Variants in RGS19 observed in about 807,000 individuals in gnomAD.
RGS19 encodes the protein regulator of G protein signaling 19, also known as G alpha interacting protein.
A neutral mutation model predicts 22.0 loss-of-function variants in RGS19; 9 were observed. That is an observed-to-expected ratio of 0.41 (90% CI 0.25 to 0.71). The LOEUF (loss-of-function observed/expected upper bound fraction) is 0.71. RGS19 is among the 30% of genes least tolerant of loss of function. The probability of loss-of-function intolerance (pLI) is 0.32; values close to 1 mark genes in which losing one functional copy is unlikely to be tolerated. For missense variants in RGS19, 256 were observed against 307.1 expected (o/e 0.83, Z 1.24); for synonymous variants, 130 against 127.3 (o/e 1.02, Z -0.14).
chr20:64,073,543 T>G lies in RGS19; in HGVS notation c.*310A>C, dbSNP rs372131706. On this transcript the variant is annotated 3_prime_UTR_variant, in exon 6 of 6. Coordinates refer to ENST00000395042, the MANE Select transcript of RGS19 (RefSeq NM_005873.3). ...AGGCTCATGGGTCCAGCATGGCTCC[T>G]GGGGGGACCCCTACTCTCACCACGC... The G allele has an allele frequency of 3.1e-6, 1 of 324,458 alleles. No homozygotes were observed. Among genetic ancestry groups the G allele is most frequent in the Non-Finnish European group, 5.7e-6 (1 of 174,916 alleles). The allele number at this position is 324,458 out of a possible 1,614,324, so 20.1% of individuals were successfully genotyped here.
At position 64,075,866 on chromosome 20, in the gene RGS19, T is replaced by C. The variant is rs1009139604; in HGVS notation, c.152+659A>G. 7.2e-6 allele frequency among the ~76,000 whole-genome samples: 1 copy of C among 138,630 alleles called. No homozygotes were observed. The highest frequency in any genetic ancestry group is 2.5e-5 in the African/African-American group (1 of 39,408). The allele number at this position is 138,630 out of a possible 152,430, so 90.9% of individuals were successfully genotyped here. Reference sequence around the variant, plus strand: ...CCACACACTGTATGGGGTCTGTGCCTGTCTTTCTTTCTTTCTTTCTTTTTT... The same window carrying C: ...CCACACACTGTATGGGGTCTGTGCCCGTCTTTCTTTCTTTCTTTCTTTTTT... On this transcript the variant is annotated intron_variant, in intron 3 of 5. Transcript: ENST00000395042. The surrounding 1 kb of genome is among the most constrained non-coding windows in gnomAD (Gnocchi z 4.6).
At position 64,076,910 on chromosome 20, in the gene RGS19, G is replaced by T; in HGVS notation, c.-24C>A. 6.6e-7 allele frequency: 1 copy of T among 1,511,278 alleles called. No individual in the cohort carries two copies. Among genetic ancestry groups the T allele is most frequent in the Non-Finnish European group, 8.8e-7 (1 of 1,134,720 alleles). The allele number at this position is 1,511,278 out of a possible 1,614,324, so 93.6% of individuals were successfully genotyped here. A position where few individuals can be genotyped will look rare whatever the true frequency, so the allele number is the denominator to read the frequency against. ...ATGGGTGGGCGGAGGAGGTTGCCCA[G>T]GCTCCGTGGTACCAGCTCTCAGACC... On this transcript the variant is annotated 5_prime_UTR_variant, in exon 2 of 6. It adds an upstream start codon to the 5' untranslated region. Transcript: ENST00000395042.
Position 64,079,480 on chromosome 20 carries a change from C to A in RGS19, c.-255G>T, listed in dbSNP as rs1433476018. 6.6e-6 allele frequency: 1 copy of A among 151,040 alleles called. No individual in the cohort carries two copies. Among genetic ancestry groups the A allele is most frequent in the East Asian group, 2.0e-4 (1 of 5,050 alleles). 9.4% of individuals were successfully genotyped at this position (151,040 alleles called of 1,614,324 possible). ...TCGGCTGGGGCCGGGGGCGCAGCGC[C>A]TCCCCTACAGCTCGAAGGGCTGAGT... On this transcript the variant is annotated 5_prime_UTR_variant, in exon 1 of 6. The change creates a new upstream start codon in the 5' untranslated region. Coordinates refer to ENST00000395042, the MANE Select transcript of RGS19 (RefSeq NM_005873.3). This position sits in a 1 kb window ranked among gnomAD's most constrained non-coding sequence, Gnocchi z 5.1.
In RGS19 at chr20:64,076,576, G is replaced by C; in HGVS notation, c.101C>G (p.Pro34Arg). Residue 34 changes from proline to arginine, a missense_variant, in exon 3 of 6, where the codon CCC becomes CGC. Transcript: ENST00000395042. ...SSHDTASPAA[P>R]SRNPCCLCWC... ...GCACAGGCAGCAGGGGTTGCGGCTG[G>C]GGGCCGCTGGAGAGGCTGTATCATG... The C allele has an allele frequency of 6.2e-7, 1 of 1,612,758 alleles. No individual in the cohort carries two copies. The highest frequency in any genetic ancestry group is 2.2e-5 in the East Asian group (1 of 44,882).
chr20:64,074,629 C>T, intron 3 of RGS19, 88 bp from the exon 4 acceptor site: 1 of 1,265,536 alleles, frequency 7.9e-7, no homozygotes, highest in Non-Finnish European at 1.1e-6. Context: ...GCACCTGACA[C>T]ACATGGGCAC....
At position 64,075,769 on chromosome 20, in the gene RGS19, G is replaced by A. The variant is rs530292573; in HGVS notation, c.152+756C>T. 2.5e-4 allele frequency among the ~76,000 whole-genome samples: 38 copies of A among 152,170 alleles called. 1 individual carries two copies. Among genetic ancestry groups the A allele is most frequent in the African/African-American group, 7.0e-4 (29 of 41,514 alleles). ...TCTTCTTCCCCCACGCATGCTGTCC[G>A]GGAAGCTCTTGGCCATCGCCCCAGG... On this transcript the variant is annotated intron_variant, in intron 3 of 5. Transcript: ENST00000395042. The surrounding 1 kb of genome is among the most constrained non-coding windows in gnomAD (Gnocchi z 4.6).
intron 1 of RGS19, among the ~76,000 whole-genome samples, chr20:64,078,943 G>A (rs1023883989): frequency 1.3e-5 from 2 of 152,166 alleles, no homozygotes; most frequent in Non-Finnish European, 2.9e-5. Flanking sequence ...GAAAAAGAAC[G>A]TCCCAGAGCC....
intron 3 of RGS19, among the ~76,000 whole-genome samples, 188 bp downstream of exon 3, chr20:64,076,337 C>T (rs967267798): frequency 4.6e-5 from 7 of 152,256 alleles, no homozygotes; most frequent in African/African-American, 1.7e-4. Flanking sequence ...ACATGAGCTC[C>T]CTGGGGCCAA....
At position 64,076,844 on chromosome 20, in the gene RGS19, G is replaced by C. The variant is rs747966648; in HGVS notation, c.30+13C>G. Reference sequence around the variant, plus strand: ...CCCCCAGGGGAGCAGAGGCAGAGGGGGAGGTGGCATACCTGCTTCTCAGCC... The same window carrying C: ...CCCCCAGGGGAGCAGAGGCAGAGGGCGAGGTGGCATACCTGCTTCTCAGCC... On this transcript the variant is annotated intron_variant, in intron 2 of 5. Transcript: ENST00000395042. 33 of 1,571,270 alleles carry C rather than the reference G, an allele frequency of 2.1e-5. No homozygotes were observed. Among genetic ancestry groups the C allele is most frequent in the Admixed American group, 4.2e-5 (2 of 47,754 alleles).
intron 1 of RGS19, among the ~76,000 whole-genome samples, chr20:64,077,203 C>T (rs1330168364): frequency 6.6e-6 from 1 of 152,120 alleles, no homozygotes. Flanking sequence ...GAGGCCCCCA[C>T]TGGAGGTTCC....
chr20:64,073,829 G>A lies in RGS19; in HGVS notation c.*24C>T, dbSNP rs372089159. The A allele has an allele frequency of 5.7e-6, 9 of 1,577,310 alleles. No individual in the cohort carries two copies. The highest frequency in any genetic ancestry group is 4.5e-5 in the East Asian group (2 of 44,316). ...CCCAGAGTCGGCCGTAGGAGGCGGC[G>A]GGGTCTGTGCTGCTGGGGGCGGCCT... is the stretch of plus-strand genomic sequence containing the variant. On this transcript the variant is annotated 3_prime_UTR_variant, in exon 6 of 6. Coordinates refer to ENST00000395042, the MANE Select transcript of RGS19 (RefSeq NM_005873.3).
At chr20:64,078,986 A>T (rs2059934617) in intron 1 of RGS19, among the ~76,000 whole-genome samples, 1 of 152,134 alleles carries the variant, frequency 6.6e-6, no homozygotes, top group African/African-American at 2.4e-5. Flanking sequence ...AGAAAATGTG[A>T]CAATCCCAGA....
rs1344220121 is a variant in RGS19, at chr20:64,074,249, G to A, written c.357C>T (p.Phe119=). The change falls in exon 5 of 6, where the codon TTC becomes TTT. Residue 119 remains phenylalanine (F), a synonymous_variant. Transcript: ENST00000395042. ...CCTTCAGCTCCTCGCAGGCCAACCAGAAGAGCATGTTCTCCTCGCTGTACT... is the reference window on the plus strand; with the variant it reads ...CCTTCAGCTCCTCGCAGGCCAACCAAAAGAGCATGTTCTCCTCGCTGTACT... ...RTEYSEENML[F]WLACEELKAE... 5 of 1,613,920 alleles carry A rather than the reference G, an allele frequency of 3.1e-6. No homozygotes were observed. In the East Asian group the frequency reaches 6.7e-5, roughly 22 times the overall value.
At chr20:64,074,888 CT>C (rs2059893039) in intron 3 of RGS19, among the ~76,000 whole-genome samples, 1 of 152,182 alleles carries the variant, frequency 6.6e-6, no homozygotes, top group Non-Finnish European at 1.5e-5. Context: ...TCCTGGTGTG[CT>C]CCTCCCCATC....
chr20:64,074,260 TCTC>T lies in RGS19; in HGVS notation c.343_345del (p.Glu115del). On this transcript the variant is annotated inframe_deletion, in exon 5 of 6. Coordinates refer to ENST00000395042, the MANE Select transcript of RGS19 (RefSeq NM_005873.3). ...TCGCAGGCCAACCAGAAGAGCATGT[TCTC>T]CTCGCTGTACTCTGTCCGCAGGAAC... 1 of 1,613,796 alleles carries T rather than the reference TCTC, an allele frequency of 6.2e-7. No homozygotes were observed. The highest frequency in any genetic ancestry group is 8.5e-7 in the Non-Finnish European group (1 of 1,180,026).
chr20:64,078,025 T>A (rs1477585787), intron 1 of RGS19, among the ~76,000 whole-genome samples: 1 of 152,184 alleles, frequency 6.6e-6, no homozygotes, highest in Non-Finnish European at 1.5e-5. Flanking sequence ...GATTCTACTT[T>A]ATTTTCTCAA....
chr20:64,074,811 G>A (rs143208996), intron 3 of RGS19, among the ~76,000 whole-genome samples: 113 of 152,356 alleles, frequency 7.4e-4, no homozygotes, highest in Non-Finnish European at 1.0e-3. Context: ...AGACTCTGCC[G>A]TCTTCCATTC....
At position 64,073,251 on chromosome 20, in the gene RGS19, A is replaced by T. The variant is rs1473811411; in HGVS notation, c.*602T>A. ...GGGTTAGGGATAGAGATAAATATGAAAACTTTTTTTTGATAAAACACCTAG... is the reference window on the plus strand; with the variant it reads ...GGGTTAGGGATAGAGATAAATATGATAACTTTTTTTTGATAAAACACCTAG... On this transcript the variant is annotated 3_prime_UTR_variant, in exon 6 of 6. Coordinates refer to ENST00000395042, the MANE Select transcript of RGS19 (RefSeq NM_005873.3). 6.6e-6 allele frequency: 1 copy of T among 152,250 alleles called. No individual in the cohort carries two copies. Among genetic ancestry groups the T allele is most frequent in the Non-Finnish European group, 1.5e-5 (1 of 68,054 alleles). 9.4% of individuals were successfully genotyped at this position (152,250 alleles called of 1,614,324 possible). A position where few individuals can be genotyped will look rare whatever the true frequency, so the allele number is the denominator to read the frequency against.
chr20:64,074,067 CA>C (rs1569260683), intron 5 of RGS19, 23 bp from the exon 6 acceptor site: 3 of 1,605,074 alleles, frequency 1.9e-6, no homozygotes, highest in Admixed American at 1.7e-5. Flanking sequence ...ACACTGAGGT[CA>C]GGGGGTGCGG....
Sources: gnomAD v4.1 joint callset for allele counts (sites outside exome capture counted in the v4.1 genomes callset) on GRCh38, gnomAD v4.1.1 for gene constraint, Gnocchi (gnomAD v3.1) non-coding constraint, MANE v1.5 for transcripts, NCBI Gene and HGNC (gene_info 2026-07-23, HGNC 2026-07-21) for gene names.